Variants in PDE1C observed in about 807,000 individuals in gnomAD.
PDE1C encodes the protein phosphodiesterase 1C.
Under a neutral mutation model 93.1 loss-of-function variants are expected in PDE1C, and 62 were observed. The ratio of observed to expected loss-of-function variants is 0.67; its 90% confidence interval spans 0.54 to 0.82. PDE1C has a LOEUF of 0.82. Among genes scored for constraint, PDE1C ranks in the 40% least tolerant of loss-of-function variants. The probability of loss-of-function intolerance (pLI) is 0.00; values close to 1 mark genes in which losing one functional copy is unlikely to be tolerated. For synonymous variants in PDE1C, 325 were observed against 310.1 expected (o/e 1.05, Z -0.50); for missense variants, 742 against 884.6 (o/e 0.84, Z 2.04).
At chr7:32,246,680 T>C (rs937139413) in intron 1 of PDE1C, among the ~76,000 whole-genome samples, 4 of 152,236 alleles carry the variant, frequency 2.6e-5, no homozygotes, top group Non-Finnish European at 4.4e-5. Context: ...ACAGAGGCTC[T>C]GGAGTCCAAC....
At chr7:32,015,431 G>A (rs950026833) in intron 2 of PDE1C, among the ~76,000 whole-genome samples, 1 of 152,062 alleles carries the variant, frequency 6.6e-6, no homozygotes, top group Non-Finnish European at 1.5e-5. Flanking sequence ...TTATTTCCCT[G>A]TCAGTTAAGG....
At chr7:31,881,677 C>G (rs191749659) in intron 2 of PDE1C, among the ~76,000 whole-genome samples, 1 of 152,100 alleles carries the variant, frequency 6.6e-6, no homozygotes, top group South Asian at 2.1e-4. Context: ...ACTTTGAAGA[C>G]GAACTGGGGT....
rs140740529 is a variant in PDE1C, at chr7:32,036,451, A to T, written c.128+15103T>A. Among the ~76,000 whole-genome samples the T allele has an allele frequency of 3.3e-5, 5 of 152,306 alleles. No homozygotes were observed. The East Asian group carries it at 9.6e-4, about 29-fold the overall frequency. On this transcript the variant is annotated intron_variant, in intron 2 of 17. Transcript: ENST00000396191. ...TGAAGAGCAAATTAAACCCAAAGTAAGTAGAAGAAAGGAAATAATAAACAA... is the reference window on the plus strand; with the variant it reads ...TGAAGAGCAAATTAAACCCAAAGTATGTAGAAGAAAGGAAATAATAAACAA...
chr7:32,413,758 T>C (rs1785219631), intron 1 of PDE1C, among the ~76,000 whole-genome samples: 1 of 151,942 alleles, frequency 6.6e-6, no homozygotes, highest in African/African-American at 2.4e-5. Flanking sequence ...TTATAAATAA[T>C]TTTTCAAATT....
chr7:31,944,312 A>T (rs1428262519), intron 2 of PDE1C, among the ~76,000 whole-genome samples: 1 of 152,138 alleles, frequency 6.6e-6, no homozygotes, highest in African/African-American at 2.4e-5. Context: ...GTGGTTGAAC[A>T]CCCGCAATCC....
chr7:31,915,620 T>C (rs1444061900), intron 2 of PDE1C, among the ~76,000 whole-genome samples: 1 of 152,202 alleles, frequency 6.6e-6, no homozygotes, highest in Non-Finnish European at 1.5e-5. Context: ...CTTCTCTGTG[T>C]CTTGGTTTTC....
chr7:31,966,953 C>T (rs1356776087), intron 2 of PDE1C, among the ~76,000 whole-genome samples: 2 of 151,932 alleles, frequency 1.3e-5, no homozygotes, highest in Admixed American at 6.6e-5. Flanking sequence ...GGGACACATT[C>T]AAAGCAGTGT....
intron 7 of PDE1C, among the ~76,000 whole-genome samples, chr7:31,864,288 C>T (rs1462629465): frequency 6.6e-6 from 1 of 152,090 alleles, no homozygotes; most frequent in African/African-American, 2.4e-5. Context: ...CCCAGGAGTT[C>T]GAGGCTGCAG....
At chr7:31,675,856 AG>A in the PDE1C span, among the ~76,000 whole-genome samples, 3 of 152,288 alleles carry the variant, frequency 2.0e-5, no homozygotes, top group East Asian at 5.8e-4. Flanking sequence ...AATAGGCAAA[AG>A]GTTACCAAAA....
intron 1 of PDE1C, among the ~76,000 whole-genome samples, chr7:32,288,216 T>G (rs1312440276): frequency 2.6e-5 from 4 of 152,228 alleles, no homozygotes; most frequent in Non-Finnish European, 4.4e-5. Context: ...CTCCGACTTC[T>G]TGGAGTAGCA....
chr7:32,251,251 TG>T (rs1239144746), intron 1 of PDE1C, among the ~76,000 whole-genome samples: 3 of 148,634 alleles, frequency 2.0e-5, no homozygotes, highest in Non-Finnish European at 4.5e-5. Flanking sequence ...GACCTAGACC[TG>T]AATCCGGCAG....
intron 2 of PDE1C, among the ~76,000 whole-genome samples, chr7:32,011,729 G>T (rs947086152): frequency 6.6e-6 from 1 of 152,130 alleles, no homozygotes; most frequent in Non-Finnish European, 1.5e-5. Context: ...CTGCTGATGG[G>T]AATGTAAAAT....
the PDE1C span, among the ~76,000 whole-genome samples, chr7:31,699,177 G>T: frequency 2.8e-5 from 2 of 72,310 alleles, no homozygotes; most frequent in Non-Finnish European, 5.1e-5. Flanking sequence ...AAGAGGAAAG[G>T]TTCTGAGGAC....
At chr7:31,926,827 A>G (rs945687963) in intron 2 of PDE1C, among the ~76,000 whole-genome samples, 2 of 152,042 alleles carry the variant, frequency 1.3e-5, no homozygotes, top group Admixed American at 1.3e-4. Flanking sequence ...ATGTGCCTAC[A>G]CCACCAGGAC....
intron 1 of PDE1C, among the ~76,000 whole-genome samples, chr7:32,415,879 G>A (rs762507498): frequency 5.3e-5 from 8 of 152,200 alleles, no homozygotes; most frequent in Non-Finnish European, 1.2e-4. Flanking sequence ...CAAAAGAAGA[G>A]TGCCCCCTCC....
chr7:32,292,725 A>C (rs940366925), intron 1 of PDE1C, among the ~76,000 whole-genome samples: 2 of 152,166 alleles, frequency 1.3e-5, no homozygotes, highest in African/African-American at 4.8e-5. Flanking sequence ...CAATTTACCC[A>C]TCCTGGTCCC....
At chr7:32,014,937 G>T (rs569135131) in intron 2 of PDE1C, among the ~76,000 whole-genome samples, 1 of 152,008 alleles carries the variant, frequency 6.6e-6, no homozygotes, top group African/African-American at 2.4e-5. Context: ...TAATCTTCAC[G>T]TGTCAAGGGA....
At chr7:32,073,774 C>G (rs1201648004), upstream of PDE1C, among the ~76,000 whole-genome samples, 1 of 152,172 alleles carries the variant, frequency 6.6e-6, no homozygotes, top group Non-Finnish European at 1.5e-5. Context: ...ATAGTTGCAG[C>G]AACACCACAA....
At chr7:31,808,921 G>T in intron 16 of PDE1C, 110 bp downstream of exon 16, 2 of 630,990 alleles carry the variant, frequency 3.2e-6, no homozygotes, top group South Asian at 2.0e-5. Context: ...GTTTTTTTCA[G>T]GATATAAGAA....
Sources: gnomAD v4.1 joint callset for allele counts (sites outside exome capture counted in the v4.1 genomes callset) on GRCh38, gnomAD v4.1.1 for gene constraint, MANE v1.5 for transcripts, NCBI Gene and HGNC (gene_info 2026-07-23, HGNC 2026-07-21) for gene names.